Variants in CNTNAP5 observed in about 807,000 individuals in gnomAD.
CNTNAP5 encodes contactin-associated protein-like 5.
In CNTNAP5, 72 loss-of-function variants were observed where a neutral mutation model predicts 150.2. That is an observed-to-expected ratio of 0.48 (90% CI 0.40 to 0.58). CNTNAP5 has a LOEUF of 0.58. Ranked by LOEUF, CNTNAP5 falls within the 20% of genes least tolerant of loss-of-function variation. The pLI is 0.00. For missense variants in CNTNAP5, 1,636 were observed against 1,626.2 expected, an observed-to-expected ratio of 1.01 and a Z score of -0.10; for synonymous variants, 672 against 619.8, an observed-to-expected ratio of 1.08 and a Z score of -1.25.
chr2:124,590,669 T>A (rs1473312179), intron 11 of CNTNAP5, among the ~76,000 whole-genome samples: 1 of 152,166 alleles, frequency 6.6e-6, no homozygotes, highest in African/African-American at 2.4e-5. Flanking sequence ...TGGAGATCTG[T>A]AACTAAATAT....
rs144197349 is a variant in CNTNAP5 at position 124,450,116 on chromosome 2, G to A, written c.918+3179G>A. Among the ~76,000 whole-genome samples the A allele has an allele frequency of 4.4e-3, 667 of 152,106 alleles. 9 individuals carry two copies. The highest frequency in any genetic ancestry group is 0.015 in the African/African-American group (641 of 41,446). The stretch of plus-strand genomic sequence containing the variant: ...TACATTGATTTGCTTTCTGCCATGC[G>A]TCCATATGTGCACAAATGAGGCCTG... On this transcript the variant is annotated intron_variant, in intron 6 of 23. Transcript: ENST00000682447.
chr2:124,059,097 ACTT>A (rs1327917479), intron 1 of CNTNAP5, among the ~76,000 whole-genome samples: 1 of 152,190 alleles, frequency 6.6e-6, no homozygotes, highest in Non-Finnish European at 1.5e-5. Flanking sequence ...TTTTATTGTT[ACTT>A]CTTCATATTT....
chr2:124,881,205 A>G (rs886083543), intron 21 of CNTNAP5, among the ~76,000 whole-genome samples: 1 of 152,108 alleles, frequency 6.6e-6, no homozygotes, highest in Non-Finnish European at 1.5e-5. Context: ...TCTTGTTAGT[A>G]ACAAGCAAGA....
At position 124,504,355 on chromosome 2, in the gene CNTNAP5, G is replaced by T. The variant is rs1379485272; in HGVS notation, c.1126G>T (p.Gly376Cys). ...IVPITFVNSS[G>C]SYLLLPGTPQ... ...GCCCATCACATTTGTCAACTCCAGC[G>T]GCAGCTATTTGCTGCTGCCCGGCAC... Residue 376 changes from glycine to cysteine, a missense_variant, in exon 8 of 24, where the codon GGC becomes TGC. Gly to Cys is a radical substitution (Grantham distance 159). Transcript: ENST00000682447. 2.5e-6 allele frequency: 4 copies of T among 1,613,708 alleles called. No homozygotes were observed. The South Asian group carries it at 4.4e-5, about 18-fold the overall frequency.
intron 11 of CNTNAP5, among the ~76,000 whole-genome samples, chr2:124,570,418 A>T (rs1484053028): frequency 6.6e-6 from 1 of 152,150 alleles, no homozygotes; most frequent in African/African-American, 2.4e-5. Context: ...GCTATGGGAC[A>T]CCTGGCATAG....
chr2:124,652,209 G>C (rs1478681037), intron 13 of CNTNAP5, among the ~76,000 whole-genome samples: 1 of 152,188 alleles, frequency 6.6e-6, no homozygotes, highest in African/African-American at 2.4e-5. Context: ...CCGTATCCCA[G>C]GGAAAGTGTC....
rs532584779 is a variant in CNTNAP5 at position 124,919,500 on chromosome 2, C to T, written c.*5212C>T. Among the ~76,000 whole-genome samples, 3 of 152,122 alleles carry T rather than the reference C, an allele frequency of 2.0e-5. No individual in the cohort carries two copies. Among genetic ancestry groups the T allele is most frequent in the South Asian group, 2.1e-4 (1 of 4,828 alleles). ...TCAACCACACCTGCTGCGAACTTGA[C>T]GAGGAGGAAGAGGGGCCAGTGGCAG... On this transcript the variant is annotated 3_prime_UTR_variant, in exon 24 of 24. Coordinates refer to ENST00000682447, the MANE Select transcript of CNTNAP5 (RefSeq NM_001367498.1).
chr2:124,716,136 T>G (rs1679940298), intron 13 of CNTNAP5, among the ~76,000 whole-genome samples: 1 of 152,176 alleles, frequency 6.6e-6, no homozygotes, highest in South Asian at 2.1e-4. Flanking sequence ...TTAAAATTAT[T>G]TTTATATTTT....
chr2:124,423,804 A>G (rs1377379655), intron 4 of CNTNAP5, among the ~76,000 whole-genome samples: 1 of 146,802 alleles, frequency 6.8e-6, no homozygotes, highest in African/African-American at 2.5e-5. Flanking sequence ...AGCTGGGACT[A>G]CAGGCGCCCG....
intron 3 of CNTNAP5, among the ~76,000 whole-genome samples, chr2:124,268,110 C>CTATCTTT (rs1687659010): frequency 6.6e-6 from 1 of 152,162 alleles, no homozygotes; most frequent in Non-Finnish European, 1.5e-5. Context: ...CCAATAGATA[C>CTATCTTT]CGGCCAAGCT....
intron 3 of CNTNAP5, among the ~76,000 whole-genome samples, chr2:124,350,128 C>T (rs985902717): frequency 5.9e-5 from 9 of 151,966 alleles, no homozygotes; most frequent in Middle Eastern, 3.4e-3. Flanking sequence ...GTGATCCGCC[C>T]GCCTTTGCCT....
At chr2:124,169,040 A>G (rs1248939781) in intron 1 of CNTNAP5, among the ~76,000 whole-genome samples, 2 of 151,850 alleles carry the variant, frequency 1.3e-5, no homozygotes, top group African/African-American at 4.8e-5. Context: ...TAGGCTAGCT[A>G]TTTCTATTCG....
intron 1 of CNTNAP5, among the ~76,000 whole-genome samples, chr2:124,129,989 G>A (rs978495003): frequency 6.6e-6 from 1 of 152,084 alleles, no homozygotes; most frequent in African/African-American, 2.4e-5. Context: ...GGATCTTTTG[G>A]CATTAAATCC....
chr2:124,442,377 G>C (rs574841759), intron 5 of CNTNAP5, among the ~76,000 whole-genome samples: 1 of 152,154 alleles, frequency 6.6e-6, no homozygotes, highest in Non-Finnish European at 1.5e-5. Context: ...CCTTGATCCA[G>C]TCAACATAAC....
At chr2:124,510,325 C>CTATATATATATATATATATATCTATA (rs1184644428) in intron 8 of CNTNAP5, among the ~76,000 whole-genome samples, 1 of 8,314 alleles carries the variant, frequency 1.2e-4, no homozygotes, top group African/African-American at 2.9e-4. Flanking sequence ...ATATATCTAT[C>CTATATATATATATATATATATCTATA]TATATATATA....
intron 17 of CNTNAP5, among the ~76,000 whole-genome samples, chr2:124,781,314 G>T (rs924331746): frequency 2.6e-5 from 4 of 152,176 alleles, no homozygotes; most frequent in Non-Finnish European, 5.9e-5. Flanking sequence ...TACTCAAGGC[G>T]GTATGAGCAG....
chr2:124,866,003 C>T (rs1383195955), intron 20 of CNTNAP5, among the ~76,000 whole-genome samples: 1 of 150,708 alleles, frequency 6.6e-6, no homozygotes, highest in African/African-American at 2.4e-5. Flanking sequence ...GTGGCTCATG[C>T]CTGTAATCCC....
chr2:124,065,558 T>C (rs1445683444), intron 1 of CNTNAP5, among the ~76,000 whole-genome samples: 2 of 152,174 alleles, frequency 1.3e-5, no homozygotes, highest in African/African-American at 4.8e-5. Flanking sequence ...TTCAAGCATC[T>C]TAACTTGAAA....
intron 1 of CNTNAP5, among the ~76,000 whole-genome samples, chr2:124,069,298 GT>G (rs1324972951): frequency 6.6e-6 from 1 of 152,182 alleles, no homozygotes; most frequent in Non-Finnish European, 1.5e-5. Flanking sequence ...TTGTCCTGTG[GT>G]TTGAGTGTCA....
Sources: allele counts gnomAD v4.1 joint callset (sites outside exome capture counted in the v4.1 genomes callset), GRCh38; gene constraint gnomAD v4.1.1; transcripts MANE v1.5; gene names NCBI Gene and HGNC (gene_info 2026-07-23, HGNC 2026-07-21).